The following MAPK4 variants were observed in gnomAD, a reference collection of about 807,000 sequenced individuals.
The protein encoded by MAPK4 is Erk3-related.
MAPK4 carries 22 observed loss-of-function variants against 47.7 expected under a neutral mutation model. The ratio of observed to expected loss-of-function variants is 0.46; its 90% CI spans 0.33 to 0.66. The LOEUF (loss-of-function observed/expected upper bound fraction) is 0.66, where lower values mean the gene tolerates loss of function less well. Among genes scored for constraint, MAPK4 ranks in the 30% least tolerant of loss-of-function variants. The pLI, the probability that MAPK4 is intolerant of heterozygous loss-of-function variation, is 0.02. For synonymous variants in MAPK4, 390 were observed against 365.7 expected (o/e 1.07, Z -0.76); for missense variants, 736 against 831.7 (o/e 0.88, Z 1.42).
At chr18:50,651,590 C>T (rs1220723700) in intron 1 of MAPK4, among the ~76,000 whole-genome samples, 2 of 152,202 alleles carry the variant, frequency 1.3e-5, no homozygotes, top group Non-Finnish European at 2.9e-5. Flanking sequence ...GGGTCTGACT[C>T]TCAGGGTTTC....
chr18:50,689,908 T>C (rs956423694), intron 2 of MAPK4, among the ~76,000 whole-genome samples: 8 of 152,238 alleles, frequency 5.3e-5, no homozygotes, highest in African/African-American at 1.4e-4. Context: ...TTTAGGAAGA[T>C]TGAGCTAGTG....
rs780914659 is a variant in MAPK4 at position 50,654,105 on chromosome 18, G to A, written c.-870-8984G>A. On this transcript the variant is annotated intron_variant, in intron 1 of 5. Coordinates refer to ENST00000400384, the MANE Select transcript of MAPK4 (RefSeq NM_002747.4). ...CGGCACACATCTGCCATTGCTGGTCGAAAGCAAGATAATACGGACTCCTGT... is the reference window on the plus strand; with the variant it reads ...CGGCACACATCTGCCATTGCTGGTCAAAAGCAAGATAATACGGACTCCTGT... 8.5e-5 allele frequency among the ~76,000 whole-genome samples: 13 copies of A among 152,332 alleles called. No individual in the cohort carries two copies. The East Asian group carries it at 1.2e-3, about 14-fold the overall frequency.
chr18:50,721,431 T>C (rs73431460), intron 3 of MAPK4, among the ~76,000 whole-genome samples: 1,533 of 152,348 alleles, frequency 0.01, 23 homozygotes, highest in African/African-American at 0.034. Context: ...ACAGAGGCCA[T>C]GTGCTCAAGA....
intron 1 of MAPK4, among the ~76,000 whole-genome samples, chr18:50,661,254 C>T (rs1262943356): frequency 2.0e-5 from 3 of 152,154 alleles, no homozygotes; most frequent in Non-Finnish European, 4.4e-5. Flanking sequence ...CATTACATGA[C>T]TTGGGCAGCA....
At chr18:50,600,206 G>T (rs1478062402) in intron 1 of MAPK4, among the ~76,000 whole-genome samples, 1 of 152,226 alleles carries the variant, frequency 6.6e-6, no homozygotes, top group Non-Finnish European at 1.5e-5. Flanking sequence ...GTCTCCCAGT[G>T]ACTAGCCTGT....
intron 1 of MAPK4, among the ~76,000 whole-genome samples, chr18:50,607,496 A>G (rs927875416): frequency 2.6e-5 from 4 of 151,912 alleles, no homozygotes; most frequent in Non-Finnish European, 4.4e-5. Context: ...TGTTATTTTG[A>G]CGTGATCCAC....
At chr18:50,720,761 G>A (rs1218792785) in intron 3 of MAPK4, among the ~76,000 whole-genome samples, 3 of 152,180 alleles carry the variant, frequency 2.0e-5, no homozygotes, top group Non-Finnish European at 4.4e-5. Context: ...GACCCCACAG[G>A]GGGCTTCCAG....
intron 1 of MAPK4, among the ~76,000 whole-genome samples, chr18:50,612,005 A>G (rs58000211): frequency 0.26 from 39,500 of 152,148 alleles, 5,317 homozygotes; most frequent in East Asian, 0.47. Flanking sequence ...GAGTTTTCAC[A>G]TGTTTACACT....
At chr18:50,699,107 GA>G (rs754632050) in intron 2 of MAPK4, among the ~76,000 whole-genome samples, 1 of 151,976 alleles carries the variant, frequency 6.6e-6, no homozygotes, top group East Asian at 1.9e-4. Context: ...TTTAACATTA[GA>G]AAAATCTATT....
chr18:50,592,367 G>A (rs2042443836), intron 1 of MAPK4, among the ~76,000 whole-genome samples: 1 of 152,186 alleles, frequency 6.6e-6, no homozygotes, highest in Non-Finnish European at 1.5e-5. Context: ...AGTCACTGAT[G>A]TGGAATTGAG....
intron 1 of MAPK4, among the ~76,000 whole-genome samples, chr18:50,565,201 T>TACA (rs1283158355): frequency 2.0e-5 from 3 of 152,178 alleles, no homozygotes; most frequent in Non-Finnish European, 4.4e-5. Flanking sequence ...AAACCTAGGG[T>TACA]GACCTATACT....
At chr18:50,619,922 G>A (rs1348320760) in intron 1 of MAPK4, among the ~76,000 whole-genome samples, 7 of 152,242 alleles carry the variant, frequency 4.6e-5, no homozygotes, top group Non-Finnish European at 1.0e-4. Flanking sequence ...GCTGGCGTAA[G>A]TAGAGATGCT....
chr18:50,642,223 G>T (rs2042946906), intron 1 of MAPK4, among the ~76,000 whole-genome samples: 1 of 152,162 alleles, frequency 6.6e-6, no homozygotes, highest in Admixed American at 6.5e-5. Flanking sequence ...CCGCAGTTTA[G>T]CTGCTGTTTG....
chr18:50,708,659 G>A (rs1451695213), intron 2 of MAPK4, among the ~76,000 whole-genome samples: 1 of 152,186 alleles, frequency 6.6e-6, no homozygotes, highest in African/African-American at 2.4e-5. Flanking sequence ...TCTGTTCTGT[G>A]CTTGGACCCT....
chr18:50,656,764 T>C (rs1268142988), intron 1 of MAPK4, among the ~76,000 whole-genome samples: 1 of 152,196 alleles, frequency 6.6e-6, no homozygotes, highest in East Asian at 1.9e-4. Flanking sequence ...TCCATAATTA[T>C]TGTTGTAGTT....
intron 1 of MAPK4, among the ~76,000 whole-genome samples, chr18:50,614,145 A>G (rs933552989): frequency 6.6e-6 from 1 of 152,172 alleles, no homozygotes; most frequent in Non-Finnish European, 1.5e-5. Context: ...ACAATAACAT[A>G]TACATATAAT....
At chr18:50,668,782 C>A (rs1363573761) in intron 2 of MAPK4, among the ~76,000 whole-genome samples, 1 of 152,220 alleles carries the variant, frequency 6.6e-6, no homozygotes, top group Non-Finnish European at 1.5e-5. Flanking sequence ...TGGCTTTTCA[C>A]AGATGACAAA....
intron 2 of MAPK4, among the ~76,000 whole-genome samples, chr18:50,706,323 T>C (rs1910050377): frequency 6.6e-6 from 1 of 152,106 alleles, no homozygotes; most frequent in Non-Finnish European, 1.5e-5. Flanking sequence ...CTAGAGATGC[T>C]GGTTCTCAAA....
chr18:50,560,100 G>C lies in MAPK4; in HGVS notation c.-1014G>C, dbSNP rs1382038564. On this transcript the variant is annotated 5_prime_UTR_variant, in exon 1 of 6. Transcript: ENST00000400384. ...GGGGCGGGAGCCGGAGCCCGAGCTG[G>C]AGCAGCGAGCCGGGCTGTCGGGGCG... 2.0e-5 allele frequency: 3 copies of C among 148,776 alleles called. No homozygotes were observed. Among genetic ancestry groups the C allele is most frequent in the Non-Finnish European group, 4.5e-5 (3 of 66,628 alleles). The allele number at this position is 148,776 out of a possible 1,614,324, so 9.2% of individuals were successfully genotyped here.
Sources: allele counts gnomAD v4.1 joint callset (sites outside exome capture counted in the v4.1 genomes callset), GRCh38; gene constraint gnomAD v4.1.1; transcripts MANE v1.5; gene names NCBI Gene and HGNC (gene_info 2026-07-23, HGNC 2026-07-21).